Variants in STAC observed in about 807,000 individuals in gnomAD.
STAC encodes SH3 and cysteine-rich domain-containing protein.
In STAC, 43 loss-of-function variants were observed where a neutral mutation model predicts 48.8. That is an observed-to-expected ratio of 0.88 (90% CI 0.69 to 1.14). The LOEUF (loss-of-function observed/expected upper bound fraction) is 1.14. Ranked by LOEUF, STAC falls within the 50% of genes most tolerant of loss-of-function variation. The pLI, the probability that STAC is intolerant of heterozygous loss-of-function variation, is 0.00. For synonymous variants in STAC, 193 were observed against 179.5 expected (o/e 1.07, Z -0.60); for missense variants, 497 against 504.0 (o/e 0.99, Z 0.13).
At chr3:36,397,081 G>A (rs1014063123) in intron 1 of STAC, among the ~76,000 whole-genome samples, 5 of 152,064 alleles carry the variant, frequency 3.3e-5, no homozygotes, top group African/African-American at 1.2e-4. Flanking sequence ...AAGTAAACAC[G>A]GTTTTGTCTT....
chr3:36,512,710 AG>A lies in STAC; in HGVS notation c.920+6878del, dbSNP rs151056282. The stretch of plus-strand genomic sequence containing the variant: ...GTTTACAGTCTGCTTCAAGGCAATC[AG>A]GACTATCCATTCCCAGGAGTGAAAT... On this transcript the variant is annotated intron_variant, in intron 8 of 10. Transcript: ENST00000273183. Among the ~76,000 whole-genome samples, 276 of 152,338 alleles carry A rather than the reference AG, an allele frequency of 1.8e-3. 1 individual carries two copies. Among genetic ancestry groups the A allele is most frequent in the African/African-American group, 6.3e-3 (263 of 41,582 alleles).
intron 2 of STAC, among the ~76,000 whole-genome samples, chr3:36,478,253 G>A (rs1697544567): frequency 6.6e-6 from 1 of 152,070 alleles, no homozygotes; most frequent in Non-Finnish European, 1.5e-5. Context: ...CTTCCCAAGA[G>A]TTTTATCACA....
At chr3:36,420,995 T>C (rs1235069618) in intron 1 of STAC, among the ~76,000 whole-genome samples, 1 of 152,214 alleles carries the variant, frequency 6.6e-6, no homozygotes, top group Non-Finnish European at 1.5e-5. Context: ...TAAAAATATG[T>C]AGGTTATAAC....
intron 8 of STAC, among the ~76,000 whole-genome samples, chr3:36,519,077 G>A (rs765462324): frequency 5.3e-5 from 8 of 152,164 alleles, no homozygotes; most frequent in Non-Finnish European, 1.2e-4. Flanking sequence ...CCTTGTTAGT[G>A]AGCAGTCACT....
At chr3:36,531,169 C>T (rs190287356) in intron 10 of STAC, among the ~76,000 whole-genome samples, 42 of 152,176 alleles carry the variant, frequency 2.8e-4, no homozygotes, top group Admixed American at 8.5e-4. Context: ...TGATTTGGTA[C>T]CACGTATTTA....
chr3:36,536,447 CT>C (rs1699200180), intron 10 of STAC, among the ~76,000 whole-genome samples: 1 of 152,102 alleles, frequency 6.6e-6, no homozygotes, highest in African/African-American at 2.4e-5. Flanking sequence ...GACCACACAT[CT>C]ACAACCATCT....
At chr3:36,403,244 A>G (rs1373341846) in intron 1 of STAC, among the ~76,000 whole-genome samples, 1 of 152,230 alleles carries the variant, frequency 6.6e-6, no homozygotes, top group Non-Finnish European at 1.5e-5. Flanking sequence ...TAGAATGAAC[A>G]ATTCTGAAGA....
At chr3:36,430,543 G>A (rs1327439557) in intron 1 of STAC, among the ~76,000 whole-genome samples, 2 of 152,202 alleles carry the variant, frequency 1.3e-5, no homozygotes, top group East Asian at 3.8e-4. Flanking sequence ...CTGTGCAACA[G>A]TAGAAATACT....
At chr3:36,451,608 C>T (rs933103689) in intron 2 of STAC, among the ~76,000 whole-genome samples, 1 of 152,082 alleles carries the variant, frequency 6.6e-6, no homozygotes, top group Non-Finnish European at 1.5e-5. Context: ...TCTTTTTCTT[C>T]TTTTCTTTCC....
At chr3:36,415,704 C>T (rs144955335) in intron 1 of STAC, among the ~76,000 whole-genome samples, 241 of 152,296 alleles carry the variant, frequency 1.6e-3, no homozygotes, top group East Asian at 3.9e-3. Flanking sequence ...TCTTCTGCGT[C>T]GCTCACGTTG....
At chr3:36,455,056 A>G (rs1696812852) in intron 2 of STAC, among the ~76,000 whole-genome samples, 1 of 152,226 alleles carries the variant, frequency 6.6e-6, no homozygotes, top group South Asian at 2.1e-4. Flanking sequence ...TCAGTGACTA[A>G]ATAATAGACC....
intron 1 of STAC, among the ~76,000 whole-genome samples, chr3:36,387,585 A>C (rs74402520): frequency 6.6e-6 from 1 of 152,066 alleles, no homozygotes; most frequent in African/African-American, 2.4e-5. Flanking sequence ...AAATCATATA[A>C]TATTTGTCCT....
At chr3:36,410,496 C>T (rs1209404719) in intron 1 of STAC, among the ~76,000 whole-genome samples, 3 of 151,892 alleles carry the variant, frequency 2.0e-5, no homozygotes, top group Non-Finnish European at 4.4e-5. Flanking sequence ...ATTTGGATCC[C>T]AGCAGCTTGA....
At chr3:36,476,639 C>T (rs1477179828) in intron 2 of STAC, among the ~76,000 whole-genome samples, 1 of 152,192 alleles carries the variant, frequency 6.6e-6, no homozygotes, top group Non-Finnish European at 1.5e-5. Context: ...GGACAAACCG[C>T]TGATGAATAG....
At chr3:36,458,776 G>A (rs1387722932) in intron 2 of STAC, among the ~76,000 whole-genome samples, 4 of 152,198 alleles carry the variant, frequency 2.6e-5, no homozygotes, top group African/African-American at 9.7e-5. Context: ...TGTTTGTCAT[G>A]TACCCCAAAT....
chr3:36,414,940 A>T (rs1252372541), intron 1 of STAC, among the ~76,000 whole-genome samples: 1 of 152,144 alleles, frequency 6.6e-6, no homozygotes, highest in Admixed American at 6.5e-5. Flanking sequence ...TCCACTCCAG[A>T]CCCTGTTTGC....
At chr3:36,418,450 T>G (rs1243577245) in intron 1 of STAC, among the ~76,000 whole-genome samples, 2 of 152,196 alleles carry the variant, frequency 1.3e-5, no homozygotes, top group Non-Finnish European at 2.9e-5. Context: ...GGTTATTAAA[T>G]GATTCCACAG....
At chr3:36,430,879 G>C (rs540173907) in intron 1 of STAC, among the ~76,000 whole-genome samples, 1 of 152,046 alleles carries the variant, frequency 6.6e-6, no homozygotes, top group Non-Finnish European at 1.5e-5. Flanking sequence ...TCGGACTAGG[G>C]TACACCCTAA....
At chr3:36,495,563 C>G (rs1053850385) in intron 6 of STAC, among the ~76,000 whole-genome samples, 4 of 152,354 alleles carry the variant, frequency 2.6e-5, no homozygotes, top group Middle Eastern at 3.4e-3. Flanking sequence ...CAAAATTATG[C>G]CCAGCATGTG....
Sources: gnomAD v4.1 joint callset for allele counts (sites outside exome capture counted in the v4.1 genomes callset) on GRCh38, gnomAD v4.1.1 for gene constraint, MANE v1.5 for transcripts, NCBI Gene and HGNC (gene_info 2026-07-23, HGNC 2026-07-21) for gene names.